Variants in FANCB observed in about 807,000 individuals in gnomAD.
The protein encoded by FANCB is FA complementation group B.
Under a neutral mutation model 38.9 loss-of-function variants are expected in FANCB, and 5 were observed. The observed-to-expected ratio is 0.13, with a 90% CI of 0.07 to 0.27. The LOEUF is 0.27. FANCB is among the 10% of genes least tolerant of loss of function. The pLI is 1.00. For synonymous variants in FANCB, 236 were observed against 215.4 expected (o/e 1.10, Z -0.84); for missense variants, 573 against 602.7 (o/e 0.95, Z 0.52).
At chrX:14,777,132 G>T in the FANCB span, among the ~76,000 whole-genome samples, 2 of 112,084 alleles carry the variant, frequency 1.8e-5, no homozygotes, top group Non-Finnish European at 1.9e-5. Context: ...GCCAGGCATT[G>T]CTGGGTCTAA....
intron 9 of FANCB, 59 bp from the exon 10 acceptor site, chrX:14,844,040 T>A: frequency 1.1e-6 from 1 of 924,848 alleles, no homozygotes; most frequent in Non-Finnish European, 1.5e-6. Flanking sequence ...AGCAGTCATG[T>A]ACAATATACT....
the FANCB span, among the ~76,000 whole-genome samples, chrX:14,728,667 G>A: frequency 8.9e-6 from 1 of 111,997 alleles, no homozygotes; most frequent in African/African-American, 3.2e-5. Context: ...GTATCACAAT[G>A]GGCAATGTCG....
the FANCB span, among the ~76,000 whole-genome samples, chrX:14,776,428 G>A: frequency 9.0e-6 from 1 of 111,696 alleles, no homozygotes; most frequent in Non-Finnish European, 1.9e-5. Flanking sequence ...TGAGCAATGA[G>A]ACTTGGAATT....
Position 14,865,552 on chromosome X carries a change from C to A in FANCB, c.-42G>T, listed in dbSNP as rs2092466123. On this transcript the variant is annotated 5_prime_UTR_variant, in exon 3 of 10. Transcript: ENST00000650831. ...TTTGTGCTGATCTAATTTTCAAATG[C>A]AAATTGATTCCAGTTGATGTTTCTA... is the stretch of plus-strand genomic sequence containing the variant. 1.0e-6 allele frequency: 1 copy of A among 996,444 alleles called. No individual in the cohort carries two copies. The highest frequency in any genetic ancestry group is 1.4e-6 in the Non-Finnish European group (1 of 709,492). 82.1% of individuals were successfully genotyped at this position (996,444 alleles called of 1,213,427 possible).
the FANCB span, among the ~76,000 whole-genome samples, chrX:14,736,792 C>T: frequency 8.9e-6 from 1 of 111,910 alleles, no homozygotes; most frequent in South Asian, 3.8e-4. Context: ...ATTATTGATG[C>T]ATTAGTATCT....
the FANCB span, among the ~76,000 whole-genome samples, chrX:14,813,435 A>G: frequency 9.0e-6 from 1 of 111,626 alleles, no homozygotes. Flanking sequence ...TCAGCCCAAA[A>G]TCTCCTTAAG....
rs2092430136 is a variant in FANCB at position 14,857,970 on chromosome X, A to T, written c.1105-16T>A. ...ATGGTTCACTCTAATAAATAAATAA[A>T]TAAATAAATACACTAAGACTGAAAT... On this transcript the variant is annotated splice_polypyrimidine_tract_variant and intron_variant, in intron 4 of 9. Transcript: ENST00000650831. 9.9e-7 allele frequency: 1 copy of T among 1,005,141 alleles called. No individual in the cohort carries two copies. Among genetic ancestry groups the T allele is most frequent in the East Asian group, 3.1e-5 (1 of 32,472 alleles). 82.8% of individuals were successfully genotyped at this position (1,005,141 alleles called of 1,213,427 possible). A position where few individuals can be genotyped will look rare whatever the true frequency, so the allele number is the denominator to read the frequency against.
the FANCB span, among the ~76,000 whole-genome samples, chrX:14,720,959 C>A: frequency 9.2e-6 from 1 of 108,894 alleles, no homozygotes; most frequent in Non-Finnish European, 1.9e-5. Flanking sequence ...TAGTGAGACC[C>A]CCACCTCTAC....
chrX:14,693,335 A>G, the FANCB span, among the ~76,000 whole-genome samples: 4 of 112,025 alleles, frequency 3.6e-5, no homozygotes, highest in Non-Finnish European at 7.5e-5. Context: ...CTCCATTAAT[A>G]TTAGATAAAG....
At position 14,864,663 on chromosome X, in the gene FANCB, T is replaced by C. The variant is rs1397818855; in HGVS notation, c.848A>G (p.Asp283Gly). 1.7e-6 allele frequency: 2 copies of C among 1,208,130 alleles called. No homozygotes were observed. The highest frequency in any genetic ancestry group is 1.1e-6 in the Non-Finnish European group (1 of 893,267). Residue 283 changes from aspartate (D) to glycine (G), a missense_variant, in exon 3 of 10, where the codon GAT becomes GGT. Physicochemically the swap from Asp to Gly is moderately conservative, Grantham distance 94. Transcript: ENST00000650831. Reference sequence around the variant, plus strand: ...ATCCATAAGTTGAACTGCACAAGGATCTCCAAATGGAAGCTGGCACACATT... The same window carrying C: ...ATCCATAAGTTGAACTGCACAAGGACCTCCAAATGGAAGCTGGCACACATT... ...PKNVCQLPFG[D>G]PCAVQLMDSG...
At chrX:14,746,506 A>T in the FANCB span, among the ~76,000 whole-genome samples, 1 of 112,477 alleles carries the variant, frequency 8.9e-6, no homozygotes, top group African/African-American at 3.2e-5. Flanking sequence ...AGTGATCTCT[A>T]AAGTTTTGAA....
At chrX:14,757,922 C>T in the FANCB span, among the ~76,000 whole-genome samples, 2,696 of 111,556 alleles carry the variant, frequency 0.024, 36 homozygotes, top group Non-Finnish European at 0.04. Context: ...ACCTGAAAGC[C>T]CTACTTGCTT....
At chrX:14,707,971 T>C in the FANCB span, among the ~76,000 whole-genome samples, 2 of 111,009 alleles carry the variant, frequency 1.8e-5, no homozygotes, top group Admixed American at 1.9e-4. Context: ...CAGTTTCTTT[T>C]TTTTCCTTCC....
the FANCB span, among the ~76,000 whole-genome samples, chrX:14,743,126 A>C: frequency 8.9e-6 from 1 of 111,906 alleles, no homozygotes; most frequent in African/African-American, 3.3e-5. Flanking sequence ...ATAAGTAGCA[A>C]CACCACCACC....
At chrX:14,761,141 G>A in the FANCB span, among the ~76,000 whole-genome samples, 2 of 111,712 alleles carry the variant, frequency 1.8e-5, no homozygotes, top group African/African-American at 3.3e-5. Flanking sequence ...TATCCCTATA[G>A]AGGTAATTTT....
chrX:14,812,904 C>T, the FANCB span, among the ~76,000 whole-genome samples: 1 of 105,514 alleles, frequency 9.5e-6, no homozygotes, highest in Non-Finnish European at 1.9e-5. Context: ...AACATTGATG[C>T]AAAAATCCTC....
chrX:14,868,472 CA>C (rs1569094429), intron 2 of FANCB, among the ~76,000 whole-genome samples: 1 of 111,381 alleles, frequency 9.0e-6, no homozygotes. Context: ...AAGCCAATCA[CA>C]AAAAGACAAA....
the FANCB span, among the ~76,000 whole-genome samples, chrX:14,692,082 C>G: frequency 8.9e-6 from 1 of 111,835 alleles, no homozygotes; most frequent in South Asian, 3.7e-4. Flanking sequence ...TCACTGAGTT[C>G]TGACTGCATC....
the FANCB span, among the ~76,000 whole-genome samples, chrX:14,777,438 A>G: frequency 7.1e-5 from 8 of 112,225 alleles, no homozygotes; most frequent in African/African-American, 2.6e-4. Context: ...GCATTACTCA[A>G]TATTTTTTTA....
Sources: gnomAD v4.1 joint callset for allele counts (sites outside exome capture counted in the v4.1 genomes callset) on GRCh38, gnomAD v4.1.1 for gene constraint, MANE v1.5 for transcripts, NCBI Gene and HGNC (gene_info 2026-07-23, HGNC 2026-07-21) for gene names.